The following HK1 variants were observed in gnomAD, a reference collection of about 807,000 sequenced individuals.
The protein encoded by HK1 is hexokinase 1.
HK1 carries 28 observed loss-of-function variants against 91.6 expected under a neutral mutation model. The ratio of observed to expected loss-of-function variants is 0.31; its 90% CI spans 0.23 to 0.42. HK1 has a LOEUF of 0.42. HK1 is among the 10% of genes least tolerant of loss of function. The pLI is 1.00. For synonymous variants in HK1, 430 were observed against 468.1 expected (o/e 0.92, Z 1.05); for missense variants, 770 against 1,219.8 (o/e 0.63, Z 5.49).
chr10:69,294,981 A>G (rs539512461), intron 3 of HK1, among the ~76,000 whole-genome samples: 1 of 148,292 alleles, frequency 6.7e-6, no homozygotes, highest in East Asian at 2.0e-4. Context: ...GTGAGCCTTA[A>G]TCATGCCACC....
rs562378291 is a variant in HK1, at chr10:69,360,174, A to G, written c.375+129A>G. 2.5e-5 allele frequency: 22 copies of G among 876,184 alleles called. No homozygotes were observed. The South Asian group carries it at 3.0e-4, about 12-fold the overall frequency. 54.3% of individuals were successfully genotyped at this position (876,184 alleles called of 1,614,324 possible). A position where few individuals can be genotyped will look rare whatever the true frequency, so the allele number is the denominator to read the frequency against. ...GGTTGCTGGAAAGAGTCCCTCATAGATGCATATGTAAAAGGACTCCTGGGC... is the reference window on the plus strand; with the variant it reads ...GGTTGCTGGAAAGAGTCCCTCATAGGTGCATATGTAAAAGGACTCCTGGGC... On this transcript the variant is annotated intron_variant, in intron 3 of 17. Transcript: ENST00000359426.
At chr10:69,292,857 A>G (rs775564594) in intron 3 of HK1, among the ~76,000 whole-genome samples, 4 of 152,146 alleles carry the variant, frequency 2.6e-5, no homozygotes, top group Non-Finnish European at 4.4e-5. Flanking sequence ...CGTCACCAAT[A>G]TACTTGAGTT....
At chr10:69,276,114 AAAAAATAC>A (rs1844436721) in intron 1 of HK1, among the ~76,000 whole-genome samples, 1 of 40,586 alleles carries the variant, frequency 2.5e-5, no homozygotes, top group African/African-American at 9.0e-5. Flanking sequence ...AAAAAAAAAA[AAAAAATAC>A]ATATATATAT....
At chr10:69,351,188 T>TG (rs1848848356) in intron 2 of HK1, among the ~76,000 whole-genome samples, 1 of 139,480 alleles carries the variant, frequency 7.2e-6, no homozygotes, top group African/African-American at 2.8e-5. Flanking sequence ...ATTAAATAAA[T>TG]AAATAAATAA....
chr10:69,349,089 A>T (rs1289213592), intron 2 of HK1, among the ~76,000 whole-genome samples: 2 of 152,254 alleles, frequency 1.3e-5, no homozygotes, highest in Non-Finnish European at 2.9e-5. Context: ...AGGAGGCCCC[A>T]GTAGCAGGAA....
rs767774458 is a variant in HK1, at chr10:69,369,324, G to A, written c.679G>A (p.Gly227Ser). The A allele has an allele frequency of 3.7e-6, 6 of 1,614,002 alleles. No individual in the cohort carries two copies. Among genetic ancestry groups the A allele is most frequent in the South Asian group, 2.2e-5 (2 of 91,084 alleles). The change falls in exon 6 of 18, where the codon GGC becomes AGC. Residue 227 changes from glycine to serine, a missense_variant. Physicochemically the swap from Gly to Ser is moderately conservative, Grantham distance 56. Transcript: ENST00000359426. The surrounding 1 kb of genome is among the most constrained non-coding windows in gnomAD (Gnocchi z 4.4). Reference sequence around the variant, plus strand: ...CTATGACGACCAGCACTGTGAAGTCGGCCTGATCATCGGTAATGCATTCCC... The same window carrying A: ...CTATGACGACCAGCACTGTGAAGTCAGCCTGATCATCGGTAATGCATTCCC... The part of the protein sequence containing the change: ...CGYDDQHCEV[G>S]LIIGTGTNAC...
At chr10:69,383,844 G>A (rs1185554664) in intron 10 of HK1, among the ~76,000 whole-genome samples, 3 of 152,208 alleles carry the variant, frequency 2.0e-5, no homozygotes, top group Admixed American at 2.0e-4. Context: ...CCCAGGCTGG[G>A]GATAGGTTCA....
rs779652967 is a variant in HK1 at position 69,389,299 on chromosome 10, G to A, written c.2035+3G>A. ...CTGTGAGGTTGGACTCATTGTTGGT[G>A]AGTGTCCTGGAAGGTCTCTTTCCCT... is the stretch of plus-strand genomic sequence containing the variant. On this transcript the variant is annotated splice_donor_region_variant and intron_variant, in intron 14 of 17. Coordinates refer to ENST00000359426, the MANE Select transcript of HK1 (RefSeq NM_000188.3). The A allele has an allele frequency of 1.6e-5, 26 of 1,599,748 alleles. No individual in the cohort carries two copies. Among genetic ancestry groups the A allele is most frequent in the Non-Finnish European group, 2.0e-5 (24 of 1,170,924 alleles).
At chr10:69,391,103 T>C (rs796863907) in intron 14 of HK1, among the ~76,000 whole-genome samples, 47 of 152,332 alleles carry the variant, frequency 3.1e-4, no homozygotes, top group African/African-American at 1.1e-3. Context: ...CCTGAGCCCC[T>C]GGCAAGCATA....
chr10:69,318,770 A>C (rs5030918), upstream of HK1: 25,651 of 1,245,910 alleles, frequency 0.021, 318 homozygotes, highest in Non-Finnish European at 0.025. Context: ...CCTCCAGGGG[A>C]CGGGAGCGCG....
At chr10:69,349,064 G>A (rs1020887567) in intron 2 of HK1, among the ~76,000 whole-genome samples, 2 of 152,176 alleles carry the variant, frequency 1.3e-5, no homozygotes, top group Non-Finnish European at 1.5e-5. Context: ...AGAAATGTGA[G>A]GAAAGGTCAC....
intron 2 of HK1, among the ~76,000 whole-genome samples, chr10:69,355,174 T>G (rs1197153656): frequency 6.6e-6 from 1 of 152,140 alleles, no homozygotes; most frequent in Non-Finnish European, 1.5e-5. Context: ...CACAAGTATT[T>G]GCTCAGTTTT....
chr10:69,366,411 T>C (rs1265022829), intron 4 of HK1, among the ~76,000 whole-genome samples: 1 of 152,152 alleles, frequency 6.6e-6, no homozygotes, highest in African/African-American at 2.4e-5. Flanking sequence ...TGGGCACTGC[T>C]TCCTGTGGCT....
At chr10:69,372,905 GT>G (rs1195609058) in intron 7 of HK1, among the ~76,000 whole-genome samples, 1 of 151,932 alleles carries the variant, frequency 6.6e-6, no homozygotes, top group African/African-American at 2.4e-5. Context: ...GTCTTGCTCT[GT>G]CACCCAGGCT....
At chr10:69,397,477 G>A (rs890060424) in intron 16 of HK1, among the ~76,000 whole-genome samples, 1 of 152,134 alleles carries the variant, frequency 6.6e-6, no homozygotes, top group Non-Finnish European at 1.5e-5. Flanking sequence ...AAAAGGCAAC[G>A]GTAAACTGAG....
intron 3 of HK1, among the ~76,000 whole-genome samples, chr10:69,361,417 A>C (rs1342175617): frequency 6.6e-6 from 1 of 152,226 alleles, no homozygotes; most frequent in African/African-American, 2.4e-5. Flanking sequence ...GCAGGTGGCC[A>C]GCAGCCCATG....
At chr10:69,334,099 G>C (rs1041409306) in intron 1 of HK1, among the ~76,000 whole-genome samples, 2 of 152,038 alleles carry the variant, frequency 1.3e-5, no homozygotes, top group African/African-American at 4.8e-5. Context: ...GTGACAAAGC[G>C]AGACTCTGTC....
At chr10:69,400,018 A>C (rs955256558) in intron 17 of HK1, among the ~76,000 whole-genome samples, 1 of 152,098 alleles carries the variant, frequency 6.6e-6, no homozygotes, top group Admixed American at 6.5e-5. Context: ...AGCACACAGG[A>C]GTGGTTTAGA....
chr10:69,348,010 T>G (rs138478915), intron 2 of HK1, among the ~76,000 whole-genome samples: 27 of 152,324 alleles, frequency 1.8e-4, no homozygotes, highest in Non-Finnish European at 3.2e-4. Context: ...TTGCTGTCCC[T>G]CTGTGCCCAG....
Sources: allele counts gnomAD v4.1 joint callset (sites outside exome capture counted in the v4.1 genomes callset), GRCh38; gene constraint gnomAD v4.1.1; non-coding constraint Gnocchi (gnomAD v3.1); transcripts MANE v1.5; gene names NCBI Gene and HGNC (gene_info 2026-07-23, HGNC 2026-07-21).